ABR: variants seen among roughly 807,000 people sequenced by gnomAD.
ABR encodes ABR activator of RhoGEF and GTPase.
ABR carries 35 observed loss-of-function variants against 107.2 expected under a neutral mutation model. The ratio of observed to expected loss-of-function variants is 0.33; its 90% CI spans 0.25 to 0.43. ABR has a LOEUF of 0.43. Ranked by LOEUF, ABR falls within the 20% of genes least tolerant of loss-of-function variation. The pLI is 1.00. For synonymous variants in ABR, 498 were observed against 462.0 expected, an observed-to-expected ratio of 1.08 and a Z score of -1.00; for missense variants, 815 against 1,115.2, an observed-to-expected ratio of 0.73 and a Z score of 3.83.
chr17:1,193,267 A>ACC (rs1369346504), intron 1 of ABR, among the ~76,000 whole-genome samples: 2,422 of 134,790 alleles, frequency 0.018, 49 homozygotes, highest in Non-Finnish European at 0.031. Flanking sequence ...TTTCTGGGAC[A>ACC]CCCCCTCCCC....
intron 2 of ABR, among the ~76,000 whole-genome samples, chr17:1,112,527 T>C (rs926512988): frequency 5.3e-5 from 8 of 151,472 alleles, no homozygotes; most frequent in African/African-American, 1.9e-4. Context: ...AGCTCAAGAG[T>C]TGGAGGCTGC....
At chr17:1,227,482 A>G (rs578120582) in intron 1 of ABR, among the ~76,000 whole-genome samples, 3 of 152,362 alleles carry the variant, frequency 2.0e-5, no homozygotes, top group South Asian at 2.1e-4. Context: ...TGGGAAACAC[A>G]GCCAATCTTT....
chr17:1,061,599 T>G (rs1473070243), intron 10 of ABR, among the ~76,000 whole-genome samples: 1 of 151,858 alleles, frequency 6.6e-6, no homozygotes, highest in Admixed American at 6.6e-5. Flanking sequence ...CAGGCTGGAG[T>G]GCAGTGGCGT....
At chr17:1,107,500 A>G (rs2038335303) in intron 2 of ABR, among the ~76,000 whole-genome samples, 1 of 152,240 alleles carries the variant, frequency 6.6e-6, no homozygotes, top group Non-Finnish European at 1.5e-5. Context: ...GGCTTAGCTG[A>G]GGCATACGCC....
intron 11 of ABR, 54 bp from the exon 12 acceptor site, chr17:1,058,099 TC>T: frequency 7.8e-7 from 1 of 1,277,730 alleles, no homozygotes; most frequent in Non-Finnish European, 1.1e-6. Context: ...CAAAGCGTAC[TC>T]CCAGATCCTG....
chr17:1,151,625 T>G (rs1006830826), intron 1 of ABR, among the ~76,000 whole-genome samples: 7 of 152,202 alleles, frequency 4.6e-5, no homozygotes, highest in African/African-American at 1.7e-4. Flanking sequence ...TCACAGGACA[T>G]CCTGAGAATG....
At chr17:1,188,310 G>C (rs2042356648), upstream of ABR, among the ~76,000 whole-genome samples, 1 of 152,170 alleles carries the variant, frequency 6.6e-6, no homozygotes, top group African/African-American at 2.4e-5. Flanking sequence ...CAGCACTTTG[G>C]GAGGCCGAGG....
chr17:1,187,896 AAAAT>A (rs1057421326), upstream of ABR, among the ~76,000 whole-genome samples: 1 of 151,044 alleles, frequency 6.6e-6, no homozygotes, highest in Non-Finnish European at 1.5e-5. Flanking sequence ...GCTCCCTCTC[AAAAT>A]AAATAAATAA....
rs368296540 is a variant in ABR, at chr17:1,041,320, G to A, written c.1791+8730C>T. On this transcript the variant is annotated intron_variant, in intron 16 of 22. Transcript: ENST00000302538. ...GAGGATGTATCGTAAACAGAAACAA[G>A]TGAGTGAACAGGTGAAAGCGTGGAC... Among the ~76,000 whole-genome samples, 4 of 152,240 alleles carry A rather than the reference G, an allele frequency of 2.6e-5. No individual in the cohort carries two copies. The East Asian group carries it at 7.7e-4, about 29-fold the overall frequency.
chr17:1,162,016 G>C (rs1029363586), intron 1 of ABR, among the ~76,000 whole-genome samples: 6 of 152,208 alleles, frequency 3.9e-5, no homozygotes, highest in African/African-American at 1.4e-4. Context: ...GACTCTCCCA[G>C]TGCTGCACGG....
chr17:1,191,822 C>T (rs1306248898), upstream of ABR, among the ~76,000 whole-genome samples: 1 of 152,180 alleles, frequency 6.6e-6, no homozygotes, highest in Non-Finnish European at 1.5e-5. Flanking sequence ...TGTATTAAAT[C>T]ACTTCATTGT....
At position 1,041,588 on chromosome 17, in the gene ABR, C is replaced by T. The variant is rs867841899; in HGVS notation, c.1791+8462G>A. On this transcript the variant is annotated intron_variant, in intron 16 of 22. Coordinates refer to ENST00000302538, the MANE Select transcript of ABR (RefSeq NM_021962.5). ...TCTCTACTAAAAATACGAAAATTAG[C>T]TGGGCATGGTGGCGGGCGCCTTTAA... Among the ~76,000 whole-genome samples the T allele has an allele frequency of 3.9e-5, 6 of 152,258 alleles. No homozygotes were observed. The Middle Eastern group carries it at 0.017, about 432-fold the overall frequency.
chr17:1,177,328 G>T (rs2041951092), intron 1 of ABR, among the ~76,000 whole-genome samples: 1 of 152,154 alleles, frequency 6.6e-6, no homozygotes, highest in South Asian at 2.1e-4. Flanking sequence ...TCCGAAGAGG[G>T]AGGCAGGGAC....
chr17:1,209,759 G>A (rs890552234), intron 1 of ABR, among the ~76,000 whole-genome samples: 4 of 152,140 alleles, frequency 2.6e-5, no homozygotes, highest in African/African-American at 9.7e-5. Context: ...ACACACATAC[G>A]AGTTACACAT....
chr17:1,095,817 T>C (rs1167778893), intron 3 of ABR, among the ~76,000 whole-genome samples: 1 of 152,184 alleles, frequency 6.6e-6, no homozygotes, highest in East Asian at 1.9e-4. Context: ...ACCCACTTCC[T>C]CCACCTCCTG....
chr17:1,034,454 C>G (rs557622008), intron 16 of ABR, among the ~76,000 whole-genome samples: 13 of 152,194 alleles, frequency 8.5e-5, no homozygotes, highest in Non-Finnish European at 1.8e-4. Flanking sequence ...CTAGGCACCA[C>G]GCCCAGATGG....
Position 1,192,772 on chromosome 17 carries a change from G to A in ABR, c.838+36021C>T, listed in dbSNP as rs2042463914. Among the ~76,000 whole-genome samples the A allele has an allele frequency of 2.0e-5, 3 of 152,114 alleles. No individual in the cohort carries two copies. In the South Asian group the frequency reaches 6.2e-4, roughly 31 times the overall value. The stretch of plus-strand genomic sequence containing the variant: ...TACTAAAAATACAAAAAAATAGCTG[G>A]GCGTGGTGGAAGGCACCTATAATCC... On this transcript the variant is annotated intron_variant, in intron 1 of 22. Coordinates refer to the ABR transcript ENST00000574139.
chr17:1,041,540 C>G (rs1009643422), intron 16 of ABR, among the ~76,000 whole-genome samples: 1 of 152,044 alleles, frequency 6.6e-6, no homozygotes, highest in Non-Finnish European at 1.5e-5. Flanking sequence ...CGAGACCAGC[C>G]TGGCCAACAT....
intron 1 of ABR, among the ~76,000 whole-genome samples, chr17:1,145,572 G>GC (rs1447622768): frequency 6.6e-6 from 1 of 152,194 alleles, no homozygotes; most frequent in Non-Finnish European, 1.5e-5. Context: ...CCTCCTCGGA[G>GC]CCCCCCTCCC....
Sources: allele counts gnomAD v4.1 joint callset (sites outside exome capture counted in the v4.1 genomes callset), GRCh38; gene constraint gnomAD v4.1.1; transcripts MANE v1.5; gene names NCBI Gene and HGNC (gene_info 2026-07-23, HGNC 2026-07-21).